LRRC4C: variants seen among roughly 807,000 people sequenced by gnomAD.
LRRC4C encodes leucine rich repeat containing 4C, also known as leucine-rich repeat-containing protein 4C.
LRRC4C carries 5 observed loss-of-function variants against 33.6 expected under a neutral mutation model. The ratio of observed to expected loss-of-function variants is 0.15; its 90% CI spans 0.08 to 0.31. The LOEUF is 0.31. Ranked by LOEUF, LRRC4C falls within the 10% of genes least tolerant of loss-of-function variation. The pLI is 1.00. For synonymous variants in LRRC4C, 329 were observed against 302.0 expected, an observed-to-expected ratio of 1.09 and a Z score of -0.93; for missense variants, 560 against 796.7, an observed-to-expected ratio of 0.70 and a Z score of 3.58.
At chr11:41,431,118 C>T (rs1033275460) in intron 1 of LRRC4C, among the ~76,000 whole-genome samples, 4 of 151,974 alleles carry the variant, frequency 2.6e-5, no homozygotes, top group African/African-American at 4.8e-5. Context: ...ATTAATTGTA[C>T]ATTAACCTGA....
intron 1 of LRRC4C, among the ~76,000 whole-genome samples, chr11:40,978,699 G>A (rs1193647418): frequency 6.7e-6 from 1 of 148,526 alleles, no homozygotes; most frequent in Non-Finnish European, 1.5e-5. Context: ...TCAGCTCACT[G>A]CAACCTCCGC....
chr11:40,887,040 A>G (rs548270383), intron 2 of LRRC4C, among the ~76,000 whole-genome samples: 5 of 151,502 alleles, frequency 3.3e-5, no homozygotes, highest in South Asian at 2.1e-4. Flanking sequence ...ATATATATAC[A>G]TATAGAAAGT....
chr11:40,185,546 GTGAGAAGCA>G (rs1217790028), intron 5 of LRRC4C, among the ~76,000 whole-genome samples: 1 of 152,168 alleles, frequency 6.6e-6, no homozygotes, highest in African/African-American at 2.4e-5. Context: ...AGGAAATTTA[GTGAGAAGCA>G]TGAGAAGCAT....
chr11:41,022,823 A>G (rs1856077084), intron 1 of LRRC4C, among the ~76,000 whole-genome samples: 1 of 152,008 alleles, frequency 6.6e-6, no homozygotes, highest in African/African-American at 2.4e-5. Context: ...GGGAAAATAC[A>G]TTTTAGAAGC....
intron 1 of LRRC4C, among the ~76,000 whole-genome samples, chr11:41,166,445 C>T (rs941016758): frequency 1.3e-5 from 2 of 152,174 alleles, no homozygotes; most frequent in African/African-American, 4.8e-5. Flanking sequence ...ACACTTTATG[C>T]TTTAAGATCC....
chr11:40,558,845 C>G (rs967450000), intron 3 of LRRC4C, among the ~76,000 whole-genome samples: 2 of 152,054 alleles, frequency 1.3e-5, no homozygotes, highest in Non-Finnish European at 1.5e-5. Flanking sequence ...TTTTCTGCTC[C>G]TCTCCCTCCT....
At chr11:40,578,141 G>GTTTTTTTTTTTTTTTTTTTTTTTTT (rs1360920903) in intron 3 of LRRC4C, among the ~76,000 whole-genome samples, 1 of 50,136 alleles carries the variant, frequency 2.0e-5, no homozygotes, top group Non-Finnish European at 3.7e-5. Flanking sequence ...TTTTTTTTCG[G>GTTTTTTTTTTTTTTTTTTTTTTTTT]TTTTTTTTTT....
intron 3 of LRRC4C, among the ~76,000 whole-genome samples, chr11:40,463,363 G>A (rs143451500): frequency 1.8e-3 from 273 of 150,044 alleles, no homozygotes; most frequent in Non-Finnish European, 2.9e-3. Flanking sequence ...AACAGGAATG[G>A]CAGCAGGATG....
intron 5 of LRRC4C, among the ~76,000 whole-genome samples, chr11:40,186,258 T>G (rs936294667): frequency 6.6e-6 from 1 of 152,212 alleles, no homozygotes; most frequent in Non-Finnish European, 1.5e-5. Context: ...CCCTGTATCA[T>G]AATTTTAGTT....
At chr11:40,581,912 A>G in intron 3 of LRRC4C, among the ~76,000 whole-genome samples, 1 of 152,174 alleles carries the variant, frequency 6.6e-6, no homozygotes, top group South Asian at 2.1e-4. Flanking sequence ...CTAAATAAAT[A>G]AAAGAATAAA....
At chr11:41,080,223 T>A (rs566279264) in intron 1 of LRRC4C, among the ~76,000 whole-genome samples, 1 of 152,286 alleles carries the variant, frequency 6.6e-6, no homozygotes, top group African/African-American at 2.4e-5. Flanking sequence ...CTAATCCTTT[T>A]TCCTAGGTAG....
Position 41,042,398 on chromosome 11 carries a change from A to G in LRRC4C, c.-495-108675T>C, listed in dbSNP as rs1381579. On this transcript the variant is annotated intron_variant, in intron 1 of 6. Transcript: ENST00000528697. ...CAGGCATCTAACTTTATGTTCCTAC[A>G]CAAAACAAAATTTTCTCTAATTTAC... Among the ~76,000 whole-genome samples the G allele has an allele frequency of 6.5e-3, 985 of 152,294 alleles. 18 individuals are homozygous for G. The highest frequency in any genetic ancestry group is 0.042 in the East Asian group (215 of 5,174).
At chr11:41,091,622 T>C (rs1050368023) in intron 1 of LRRC4C, among the ~76,000 whole-genome samples, 1 of 152,142 alleles carries the variant, frequency 6.6e-6, no homozygotes, top group East Asian at 1.9e-4. Flanking sequence ...CCTTGACTAC[T>C]ATTTGAGCAA....
Position 41,184,932 on chromosome 11 carries a change from C to T in LRRC4C, c.-495-251209G>A, listed in dbSNP as rs1242811649. Among the ~76,000 whole-genome samples the T allele has an allele frequency of 3.3e-5, 5 of 151,922 alleles. 1 individual carries two copies. In the South Asian group the frequency reaches 6.2e-4, roughly 19 times the overall value. ...CATATCTTACGTGGATGGTGGCAGG[C>T]AAATAGAGAAAGAGAGAAAGAGCTT... On this transcript the variant is annotated intron_variant, in intron 1 of 6. Transcript: ENST00000528697.
chr11:40,770,787 C>A (rs1949720076), intron 2 of LRRC4C, among the ~76,000 whole-genome samples: 1 of 152,180 alleles, frequency 6.6e-6, no homozygotes, highest in Non-Finnish European at 1.5e-5. Context: ...GGTGGTCATT[C>A]AATCTTAAAG....
chr11:40,146,339 C>T (rs928853121), intron 5 of LRRC4C, among the ~76,000 whole-genome samples: 2 of 152,130 alleles, frequency 1.3e-5, no homozygotes, highest in South Asian at 2.1e-4. Flanking sequence ...GATTGTTTGT[C>T]ATTTTCAAAA....
At chr11:41,081,863 T>C (rs531016718) in intron 1 of LRRC4C, among the ~76,000 whole-genome samples, 1 of 152,304 alleles carries the variant, frequency 6.6e-6, no homozygotes, top group South Asian at 2.1e-4. Flanking sequence ...TACTAGCTAC[T>C]GCTCTGTTAA....
chr11:41,424,746 C>T (rs1033597046), intron 1 of LRRC4C, among the ~76,000 whole-genome samples: 11 of 152,108 alleles, frequency 7.2e-5, no homozygotes, highest in East Asian at 5.8e-4. Context: ...TTTAATCAAT[C>T]GAAAACCCTG....
intron 3 of LRRC4C, among the ~76,000 whole-genome samples, chr11:40,466,815 A>G (rs1952674994): frequency 6.6e-6 from 1 of 152,086 alleles, no homozygotes; most frequent in African/African-American, 2.4e-5. Flanking sequence ...AATTTTTATT[A>G]TGTATCATAC....
Sources: allele counts gnomAD v4.1 joint callset (sites outside exome capture counted in the v4.1 genomes callset), GRCh38; gene constraint gnomAD v4.1.1; transcripts MANE v1.5; gene names NCBI Gene and HGNC (gene_info 2026-07-23, HGNC 2026-07-21).